Variants in POM121 observed in about 807,000 individuals in gnomAD.
POM121 encodes the protein POM121 transmembrane nucleoporin, also known as nuclear envelope pore membrane protein POM 121.
POM121 carries 32 observed loss-of-function variants against 81.3 expected under a neutral mutation model. The ratio of observed to expected loss-of-function variants is 0.39; its 90% CI spans 0.30 to 0.53. The LOEUF (loss-of-function observed/expected upper bound fraction) is 0.53. Ranked by LOEUF, POM121 falls within the 20% of genes least tolerant of loss-of-function variation. The pLI, the probability that POM121 is intolerant of heterozygous loss-of-function variation, is 0.66. For synonymous variants in POM121, 514 were observed against 694.2 expected (o/e 0.74, Z 4.08); for missense variants, 1,138 against 1,614.6 (o/e 0.70, Z 5.06).
In POM121 at chr7:72,943,059, G is replaced by T. The variant is rs1563171924; in HGVS notation, c.3066G>T (p.Val1022=). ...PSMIKVVPAY[V]PTPIHPIFGG... ...TGATCAAGGTCGTGCCTGCGTACGT[G>T]CCTACGCCCATCCATCCTATCTTTG... The change falls in exon 11 of 13, where the codon GTG becomes GTT. Residue 1022 remains valine (V), a synonymous_variant. Transcript: ENST00000434423. 6.2e-7 allele frequency: 1 copy of T among 1,613,896 alleles called. No individual in the cohort carries two copies. The highest frequency in any genetic ancestry group is 8.5e-7 in the Non-Finnish European group (1 of 1,179,874).
At chr7:72,917,457 A>G (rs2129576822) in intron 4 of POM121, among the ~76,000 whole-genome samples, 2 of 149,384 alleles carry the variant, frequency 1.3e-5, no homozygotes, top group East Asian at 3.9e-4. Flanking sequence ...CTGCTTTCCC[A>G]GAGGAATTCT....
At chr7:72,912,888 G>A (rs1399696898) in intron 3 of POM121, among the ~76,000 whole-genome samples, 9 of 152,130 alleles carry the variant, frequency 5.9e-5, no homozygotes, top group African/African-American at 1.9e-4. Context: ...TTCAGTGTCC[G>A]CGTCATCAGT....
upstream of POM121, among the ~76,000 whole-genome samples, chr7:72,924,101 G>T (rs1554496544): frequency 1.3e-5 from 2 of 150,230 alleles, no homozygotes; most frequent in African/African-American, 4.9e-5. Flanking sequence ...GGCACGCCCG[G>T]CTAAGTTTTT....
intron 4 of POM121, among the ~76,000 whole-genome samples, chr7:72,929,450 T>C (rs571738173): frequency 3.3e-5 from 5 of 152,230 alleles, no homozygotes; most frequent in South Asian, 2.1e-4. Flanking sequence ...TCTGTTTCCA[T>C]TGGAGGTTTA....
intron 3 of POM121, among the ~76,000 whole-genome samples, chr7:72,904,972 G>T (rs1308874892): frequency 6.6e-6 from 1 of 152,196 alleles, no homozygotes; most frequent in Non-Finnish European, 1.5e-5. Context: ...CCGCGCCCGT[G>T]ATCCAATCAC....
upstream of POM121, among the ~76,000 whole-genome samples, chr7:72,920,734 G>A (rs1475667432): frequency 2.6e-5 from 4 of 152,110 alleles, no homozygotes; most frequent in African/African-American, 9.7e-5. Context: ...ATCCTTTCAG[G>A]TCTTGTTTTT....
chr7:72,900,419 A>G (rs1792491905), intron 3 of POM121, among the ~76,000 whole-genome samples: 1 of 145,732 alleles, frequency 6.9e-6, no homozygotes, highest in Non-Finnish European at 1.5e-5. Flanking sequence ...TTTTTAATTG[A>G]TCTTTTCGAA....
rs782080644 is a variant in POM121 at position 72,925,630 on chromosome 7, C to A, written c.509C>A (p.Pro170Gln). Residue 170 changes from proline to glutamine, a missense_variant, in exon 1 of 13, where the codon CCG (proline) becomes CAG (glutamine). Around this residue, in one of 7 missense-constraint regions of POM121, gnomAD observed 646 missense variants for 633.5 expected, o/e 1.02. Transcript: ENST00000434423. ...CCTGGCCGCCGCCCACCTGCCCGCC[C>A]GGCGCCGCGCTCCCCACCGCCGCGC... ...DRPGRRPPAR[P>Q]APRSPPPRSP... 1.5e-6 allele frequency: 2 copies of A among 1,293,800 alleles called. No homozygotes were observed. Among genetic ancestry groups the A allele is most frequent in the Non-Finnish European group, 1.9e-6 (2 of 1,030,392 alleles). The allele number at this position is 1,293,800 out of a possible 1,614,324, so 80.1% of individuals were successfully genotyped here. A position where few individuals can be genotyped will look rare whatever the true frequency, so the allele number is the denominator to read the frequency against.
At chr7:72,883,290 C>T (rs1480713436) in intron 1 of POM121, among the ~76,000 whole-genome samples, 3 of 152,322 alleles carry the variant, frequency 2.0e-5, no homozygotes, top group East Asian at 1.9e-4. Context: ...CCCGCCTCGG[C>T]GTCCCAAAGT....
At chr7:72,932,300 G>A (rs1215584109) in intron 5 of POM121, among the ~76,000 whole-genome samples, 3 of 151,478 alleles carry the variant, frequency 2.0e-5, no homozygotes, top group Admixed American at 6.6e-5. Flanking sequence ...ATGCATATCA[G>A]TGTATCTGAA....
At chr7:72,935,491 A>G (rs1796424163) in intron 5 of POM121, among the ~76,000 whole-genome samples, 1 of 151,880 alleles carries the variant, frequency 6.6e-6, no homozygotes. Context: ...ATTTATTTAC[A>G]TCATCTCTAT....
At chr7:72,913,939 C>T (rs1262146556) in intron 4 of POM121, 2 of 152,194 alleles carry the variant, frequency 1.3e-5, no homozygotes, top group African/African-American at 2.4e-5. Flanking sequence ...ATAACATGAC[C>T]GTGTCACTTC....
intron 3 of POM121, among the ~76,000 whole-genome samples, chr7:72,892,112 T>A (rs536308378): frequency 6.6e-6 from 1 of 152,370 alleles, no homozygotes; most frequent in Admixed American, 6.5e-5. Context: ...GAATGTCGGT[T>A]CCTTTTCTTG....
rs1366253925 is a variant in POM121, at chr7:72,905,265, AC to A, written c.-215-8499del. On this transcript the variant is annotated intron_variant, in intron 3 of 15. Transcript: ENST00000395270. ...TGTTTTCCAGTTTCCCTTGCGACTT[AC>A]TCTTTGACCCATGAATTATTTAAAA... 3.9e-5 allele frequency among the ~76,000 whole-genome samples: 6 copies of A among 151,998 alleles called. No individual in the cohort carries two copies. In the East Asian group the frequency reaches 1.2e-3, roughly 29 times the overall value.
chr7:72,926,914 G>A lies in POM121; in HGVS notation c.973G>A (p.Val325Met), dbSNP rs782293431. The change falls in exon 3 of 13, where the codon GTG becomes ATG. Residue 325 changes from valine (V) to methionine (M), a missense_variant. Transcript: ENST00000434423. ...ALKEKEKKRT[V>M]EEEDQIFLDG... ...CAAAGAGAAGGAGAAGAAAAGGACA[G>A]TGGAGGAAGAAGACCAAATATTCCT... 6.2e-6 allele frequency: 10 copies of A among 1,613,900 alleles called. No homozygotes were observed. The highest frequency in any genetic ancestry group is 1.3e-5 in the African/African-American group (1 of 74,932).
Position 72,943,200 on chromosome 7 carries a change from C to T in POM121, c.3207C>T (p.Thr1069=). ...CTGCTGTCTTCTTCGGTGCAGCCAC[C>T]AGCTCCGGCTTTGGAGCCACCACCC... ...GSTAVFFGAA[T]SSGFGATTQT... The change falls in exon 11 of 13, where the codon ACC becomes ACT. Residue 1069 remains threonine (T), a synonymous_variant. Coordinates refer to ENST00000434423, the MANE Select transcript of POM121 (RefSeq NM_001387691.1). 1 of 1,613,228 alleles carries T rather than the reference C, an allele frequency of 6.2e-7. No homozygotes were observed. Among genetic ancestry groups the T allele is most frequent in the Non-Finnish European group, 8.5e-7 (1 of 1,179,816 alleles).
intron 5 of POM121, among the ~76,000 whole-genome samples, chr7:72,931,029 A>G (rs1554498518): frequency 1.3e-5 from 2 of 152,204 alleles, no homozygotes; most frequent in Non-Finnish European, 2.9e-5. Flanking sequence ...TAAAGCATGT[A>G]TGGAGAAATG....
At chr7:72,887,600 G>A (rs1348304127) in intron 1 of POM121, among the ~76,000 whole-genome samples, 11 of 152,226 alleles carry the variant, frequency 7.2e-5, no homozygotes, top group African/African-American at 1.7e-4. Flanking sequence ...AGGCTAAGGC[G>A]GGCAGATCAC....
chr7:72,904,432 TC>T (rs1274071267), intron 3 of POM121, among the ~76,000 whole-genome samples: 1 of 152,236 alleles, frequency 6.6e-6, no homozygotes, highest in Non-Finnish European at 1.5e-5. Context: ...TGGCCACTTT[TC>T]TGCCCTACGT....
Sources: allele counts gnomAD v4.1 joint callset (sites outside exome capture counted in the v4.1 genomes callset), GRCh38; gene constraint gnomAD v4.1.1; regional missense constraint gnomAD v4.1.1; transcripts MANE v1.5; gene names NCBI Gene and HGNC (gene_info 2026-07-23, HGNC 2026-07-21).